GNAQ: variants seen among roughly 807,000 people sequenced by gnomAD.
GNAQ encodes G protein subunit alpha q, also known as guanine nucleotide-binding protein G(q) subunit alpha.
In GNAQ, 8 loss-of-function variants were observed where a neutral mutation model predicts 43.9. That is an observed-to-expected ratio of 0.18 (90% CI 0.11 to 0.33). The LOEUF is 0.33. GNAQ is among the 10% of genes least tolerant of loss of function. The pLI, the probability that GNAQ is intolerant of heterozygous loss-of-function variation, is 1.00. For missense variants in GNAQ, 158 were observed against 450.8 expected (o/e 0.35, Z 5.88); for synonymous variants, 155 against 170.7 (o/e 0.91, Z 0.71).
chr9:77,945,525 C>A (rs1822879733), intron 1 of GNAQ, among the ~76,000 whole-genome samples: 1 of 151,978 alleles, frequency 6.6e-6, no homozygotes, highest in African/African-American at 2.4e-5. Flanking sequence ...ACAGAAAAAG[C>A]CTTCTTATTT....
chr9:77,858,473 T>C (rs1008253641), intron 2 of GNAQ, among the ~76,000 whole-genome samples: 9 of 152,090 alleles, frequency 5.9e-5, no homozygotes, highest in Non-Finnish European at 7.4e-5. Context: ...TTGTCTTTAC[T>C]TCTCCCTATT....
At chr9:77,875,883 T>G (rs1191052807) in intron 2 of GNAQ, among the ~76,000 whole-genome samples, 2 of 152,142 alleles carry the variant, frequency 1.3e-5, no homozygotes, top group Non-Finnish European at 2.9e-5. Context: ...GGGAGAGTTT[T>G]GCTGAAAAGA....
chr9:77,952,037 T>A, intron 1 of GNAQ, among the ~76,000 whole-genome samples: 1 of 152,158 alleles, frequency 6.6e-6, no homozygotes, highest in East Asian at 1.9e-4. Flanking sequence ...AGCAGGATAA[T>A]CATGAGTGGG....
At chr9:77,883,886 T>C (rs1256876710) in intron 2 of GNAQ, among the ~76,000 whole-genome samples, 1 of 152,224 alleles carries the variant, frequency 6.6e-6, no homozygotes, top group Non-Finnish European at 1.5e-5. Flanking sequence ...ATTCATGAAG[T>C]AGAAACTGCC....
chr9:77,782,689 T>C (rs1826413607), intron 5 of GNAQ, among the ~76,000 whole-genome samples: 1 of 152,214 alleles, frequency 6.6e-6, no homozygotes, highest in Non-Finnish European at 1.5e-5. Context: ...CATAAAAACA[T>C]GCACATAAAT....
At chr9:77,741,163 T>A (rs558528623) in intron 5 of GNAQ, among the ~76,000 whole-genome samples, 1 of 152,202 alleles carries the variant, frequency 6.6e-6, no homozygotes, top group Non-Finnish European at 1.5e-5. Context: ...GGCCATAGAG[T>A]TTACTGACTC....
At chr9:77,987,343 GAA>G (rs149587396) in intron 1 of GNAQ, among the ~76,000 whole-genome samples, 1 of 148,504 alleles carries the variant, frequency 6.7e-6, no homozygotes, top group African/African-American at 2.5e-5. Flanking sequence ...CAGTTAGACC[GAA>G]AAAAAAAATC....
intron 1 of GNAQ, among the ~76,000 whole-genome samples, chr9:77,934,594 C>T (rs1003161747): frequency 1.3e-5 from 2 of 152,142 alleles, no homozygotes; most frequent in East Asian, 3.9e-4. Context: ...GATTGCAGAA[C>T]ATGGCATGCT....
intron 2 of GNAQ, among the ~76,000 whole-genome samples, chr9:77,816,675 T>A (rs1287891790): frequency 6.6e-6 from 1 of 152,150 alleles, no homozygotes; most frequent in African/African-American, 2.4e-5. Context: ...AATAACTAAT[T>A]GTGTTGGACA....
chr9:77,880,356 A>G (rs1425680040), intron 2 of GNAQ, among the ~76,000 whole-genome samples: 1 of 152,096 alleles, frequency 6.6e-6, no homozygotes, highest in Admixed American at 6.6e-5. Flanking sequence ...GTAAGTCAAG[A>G]TATCTTGGTG....
intron 1 of GNAQ, among the ~76,000 whole-genome samples, chr9:77,965,323 C>T (rs76719818): frequency 0.059 from 8,989 of 152,144 alleles, 290 homozygotes; most frequent in African/African-American, 0.065. Flanking sequence ...AAATTAACTA[C>T]GACCACCAGC....
chr9:77,731,261 T>A (rs932284085), intron 5 of GNAQ, among the ~76,000 whole-genome samples: 1 of 152,128 alleles, frequency 6.6e-6, no homozygotes, highest in East Asian at 1.9e-4. Flanking sequence ...TGCATTGATA[T>A]AGAAGAAGGT....
intron 1 of GNAQ, among the ~76,000 whole-genome samples, chr9:77,938,240 T>A (rs1210059303): frequency 1.3e-5 from 2 of 152,218 alleles, no homozygotes; most frequent in African/African-American, 4.8e-5. Context: ...ATTTTGCATC[T>A]GAGATTGGTT....
At chr9:77,908,086 C>T (rs1587401859) in intron 2 of GNAQ, among the ~76,000 whole-genome samples, 1 of 152,270 alleles carries the variant, frequency 6.6e-6, no homozygotes. Flanking sequence ...ACTTACCTCA[C>T]ATTTTGGAGC....
intron 1 of GNAQ, among the ~76,000 whole-genome samples, chr9:77,939,069 G>A (rs1349870344): frequency 1.3e-5 from 2 of 152,170 alleles, no homozygotes; most frequent in African/African-American, 4.8e-5. Flanking sequence ...TGACCTGGGA[G>A]AGACACCAGT....
At chr9:77,891,295 G>A (rs1399850381) in intron 2 of GNAQ, among the ~76,000 whole-genome samples, 3 of 151,814 alleles carry the variant, frequency 2.0e-5, no homozygotes, top group Admixed American at 6.6e-5. Context: ...GCTCTCTTTC[G>A]TAGCAGCAGT....
chr9:77,982,013 T>C lies in GNAQ; in HGVS notation c.136+49087A>G, dbSNP rs550902056. ...AGGTTCCTGAGGTAGAAAAGTCTCT[T>C]GGTATCTGATTTAGGTTCCTACCTG... On this transcript the variant is annotated intron_variant, in intron 1 of 6. Transcript: ENST00000286548. Among the ~76,000 whole-genome samples the C allele has an allele frequency of 1.6e-3, 243 of 152,300 alleles. 1 individual carries two copies. The highest frequency in any genetic ancestry group is 5.6e-3 in the African/African-American group (231 of 41,568).
intron 1 of GNAQ, among the ~76,000 whole-genome samples, chr9:77,983,375 T>C (rs1348141154): frequency 6.6e-6 from 1 of 152,068 alleles, no homozygotes; most frequent in Non-Finnish European, 1.5e-5. Flanking sequence ...GATGTAGGTG[T>C]TTATTCCCTC....
intron 2 of GNAQ, among the ~76,000 whole-genome samples, chr9:77,848,733 C>T (rs567061819): frequency 2.0e-5 from 3 of 152,292 alleles, no homozygotes; most frequent in South Asian, 2.1e-4. Flanking sequence ...AGCCAACGTC[C>T]GCATCATAAG....
Sources: allele counts gnomAD v4.1 joint callset (sites outside exome capture counted in the v4.1 genomes callset), GRCh38; gene constraint gnomAD v4.1.1; transcripts MANE v1.5; gene names NCBI Gene and HGNC (gene_info 2026-07-23, HGNC 2026-07-21).